The following CUX1 variants were observed in gnomAD, a reference collection of about 807,000 sequenced individuals.
CUX1 encodes cut like homeobox 1, also known as protein CASP.
A neutral mutation model predicts 158.8 loss-of-function variants in CUX1; 31 were observed. That is an observed-to-expected ratio of 0.20 (90% confidence interval 0.15 to 0.26). The LOEUF is 0.26. CUX1 is among the 10% of genes least tolerant of loss of function. The probability of loss-of-function intolerance (pLI) is 1.00; values close to 1 mark genes in which losing one functional copy is unlikely to be tolerated. For synonymous variants in CUX1, 879 were observed against 862.1 expected (o/e 1.02, Z -0.34); for missense variants, 1,589 against 2,014.6 (o/e 0.79, Z 4.04).
intron 4 of CUX1, among the ~76,000 whole-genome samples, chr7:102,086,974 G>A (rs1554480701): frequency 6.6e-6 from 1 of 152,040 alleles, no homozygotes; most frequent in Admixed American, 6.6e-5. Flanking sequence ...TTCTTTTGAT[G>A]AGAGTTTTTA....
intron 22 of CUX1, among the ~76,000 whole-genome samples, chr7:102,235,861 C>T (rs889741935): frequency 2.0e-5 from 3 of 149,580 alleles, no homozygotes; most frequent in Non-Finnish European, 3.0e-5. Flanking sequence ...TCTTAATTCA[C>T]CCAGAAATTC....
At chr7:102,029,380 T>G (rs1269305832) in intron 3 of CUX1, among the ~76,000 whole-genome samples, 2 of 151,964 alleles carry the variant, frequency 1.3e-5, no homozygotes, top group Non-Finnish European at 2.9e-5. Flanking sequence ...ACAGGAGAGA[T>G]ATGGCCGTGA....
At chr7:102,171,732 G>C (rs1791741635) in intron 10 of CUX1, among the ~76,000 whole-genome samples, 1 of 152,046 alleles carries the variant, frequency 6.6e-6, no homozygotes, top group Non-Finnish European at 1.5e-5. Context: ...ACAGGCATGA[G>C]CCACCACGCC....
At chr7:101,817,325 T>C (rs2130863114), upstream of CUX1, 1 of 984,594 alleles carries the variant, frequency 1.0e-6, no homozygotes, top group East Asian at 1.2e-4. This position sits in a 1 kb window ranked among gnomAD's most constrained non-coding sequence, Gnocchi z 4.1. Context: ...TTCTGCCCTC[T>C]CTGCAGGGCC....
At chr7:102,193,715 GA>G in intron 12 of CUX1, 126 bp from the exon 13 acceptor site, 1 of 862,934 alleles carries the variant, frequency 1.2e-6, no homozygotes, top group Non-Finnish European at 1.8e-6. Flanking sequence ...TGAGGTAGGA[GA>G]ATCGCTTGAA....
At chr7:102,076,973 G>C (rs1485714125) in intron 4 of CUX1, among the ~76,000 whole-genome samples, 1 of 151,512 alleles carries the variant, frequency 6.6e-6, no homozygotes, top group Non-Finnish European at 1.5e-5. Flanking sequence ...GATCAAGGCT[G>C]CAGTGAGCCA....
intron 8 of CUX1, among the ~76,000 whole-genome samples, chr7:102,137,132 T>C (rs536952108): frequency 6.6e-6 from 1 of 152,324 alleles, no homozygotes; most frequent in East Asian, 1.9e-4. Flanking sequence ...CATTCTGTTA[T>C]AGGTCTGGGA....
chr7:102,067,420 T>G (rs1020979346), intron 3 of CUX1, among the ~76,000 whole-genome samples: 2 of 151,798 alleles, frequency 1.3e-5, no homozygotes, highest in East Asian at 3.9e-4. Context: ...ATATTTTTAG[T>G]AGAGATGGGG....
intron 2 of CUX1, among the ~76,000 whole-genome samples, chr7:101,972,507 A>T (rs1433953692): frequency 3.9e-5 from 6 of 152,232 alleles, no homozygotes; most frequent in Non-Finnish European, 8.8e-5. Flanking sequence ...TCCCGCATCG[A>T]AAACAGCCTT....
At chr7:102,017,164 C>A (rs371346623) in intron 2 of CUX1, among the ~76,000 whole-genome samples, 1 of 151,442 alleles carries the variant, frequency 6.6e-6, no homozygotes, top group African/African-American at 2.4e-5. Context: ...ATTAGCCTGA[C>A]GTGGTAGTGG....
chr7:101,822,210 C>G (rs1792730506), intron 1 of CUX1: 1 of 152,178 alleles, frequency 6.6e-6, no homozygotes, highest in Non-Finnish European at 1.5e-5. Flanking sequence ...TTATTTGACC[C>G]ATTCCAGTTT....
At chr7:102,043,819 A>G (rs1186025108) in intron 3 of CUX1, among the ~76,000 whole-genome samples, 1 of 152,148 alleles carries the variant, frequency 6.6e-6, no homozygotes, top group Admixed American at 6.5e-5. Flanking sequence ...TCCCACCAAC[A>G]GTGTACAAAG....
At chr7:102,142,637 A>G (rs1269544134) in intron 8 of CUX1, among the ~76,000 whole-genome samples, 1 of 150,430 alleles carries the variant, frequency 6.6e-6, no homozygotes, top group Non-Finnish European at 1.5e-5. Flanking sequence ...CAAAAAATAA[A>G]TTAGCCATGT....
At chr7:102,167,492 C>G (rs1244343987) in intron 9 of CUX1, among the ~76,000 whole-genome samples, 1 of 152,176 alleles carries the variant, frequency 6.6e-6, no homozygotes, top group African/African-American at 2.4e-5. Context: ...CACTTCAGAG[C>G]CAGTGTTACA....
At chr7:102,263,356 C>T (rs537842014) in intron 14 of CUX1, among the ~76,000 whole-genome samples, 8 of 139,418 alleles carry the variant, frequency 5.7e-5, no homozygotes, top group East Asian at 2.1e-4. Flanking sequence ...CACTGTTGCC[C>T]AGGCTAGAGT....
chr7:102,171,650 G>A (rs1055909913), intron 10 of CUX1, among the ~76,000 whole-genome samples: 5 of 151,906 alleles, frequency 3.3e-5, no homozygotes, highest in Admixed American at 1.3e-4. Flanking sequence ...GTTTTGTCGC[G>A]TTGCCCAGGC....
chr7:102,035,308 T>C (rs1040840504), intron 3 of CUX1, among the ~76,000 whole-genome samples: 5 of 152,102 alleles, frequency 3.3e-5, no homozygotes, highest in African/African-American at 7.2e-5. Context: ...ATTCAATAAA[T>C]TACATGAGCT....
Position 101,817,688 on chromosome 7 carries a change from A to G in CUX1, c.30+19A>G, listed in dbSNP as rs751792494. 1.9e-6 allele frequency: 3 copies of G among 1,550,504 alleles called. No individual in the cohort carries two copies. Among genetic ancestry groups the G allele is most frequent in the East Asian group, 2.4e-5 (1 of 40,960 alleles). ...GTTGAAGGTGAGCGGCGTGTGGGCC[A>G]GAAGTCCCGAGGTTGCAGGCGCGGA... On this transcript the variant is annotated intron_variant, in intron 1 of 23. Transcript: ENST00000292535. The surrounding 1 kb of genome is among the most constrained non-coding windows in gnomAD (Gnocchi z 4.1).
At chr7:102,223,448 GC>G (rs1322412911) in intron 20 of CUX1, among the ~76,000 whole-genome samples, 1 of 152,072 alleles carries the variant, frequency 6.6e-6, no homozygotes, top group Admixed American at 6.6e-5. Context: ...AGGTGCAGTG[GC>G]TCACCCTGTC....
Sources: gnomAD v4.1 joint callset for allele counts (sites outside exome capture counted in the v4.1 genomes callset) on GRCh38, gnomAD v4.1.1 for gene constraint, Gnocchi (gnomAD v3.1) non-coding constraint, MANE v1.5 for transcripts, NCBI Gene and HGNC (gene_info 2026-07-23, HGNC 2026-07-21) for gene names.